Variants in CARD9 observed in about 807,000 individuals in gnomAD.
CARD9 encodes caspase recruitment domain family member 9, also known as caspase recruitment domain-containing protein 9.
A neutral mutation model predicts 66.0 loss-of-function variants in CARD9; 53 were observed. The observed-to-expected ratio is 0.80, with a 90% CI of 0.64 to 1.01. The LOEUF is 1.01. Ranked by LOEUF, CARD9 falls within the 50% of genes least tolerant of loss-of-function variation. The pLI is 0.00. For missense variants in CARD9, 769 were observed against 743.2 expected (o/e 1.03, Z -0.40); for synonymous variants, 387 against 313.8 (o/e 1.23, Z -2.47).
In CARD9 at chr9:136,367,682, G is replaced by T. The variant is rs745746683; in HGVS notation, c.1224C>A (p.Ala408=). The T allele has an allele frequency of 1.9e-6, 3 of 1,600,068 alleles. No homozygotes were observed. Among genetic ancestry groups the T allele is most frequent in the Admixed American group, 3.4e-5 (2 of 59,634 alleles). ...QVFQCEAQLL[A]VEGRLRRQQL... is the part of the protein sequence containing the mutation. ...GCTGCCGCCTGAGCCTGCCCTCCAC[G>T]GCCAGTAGCTGCGCCTCACACTGGA... Residue 408 remains alanine (A), a synonymous_variant, in exon 8 of 13, where the codon GCC becomes GCA. Coordinates refer to ENST00000371732, the MANE Select transcript of CARD9 (RefSeq NM_052813.5).
At position 136,367,767 on chromosome 9, in the gene CARD9, G is replaced by A. The variant is rs532713129; in HGVS notation, c.1139C>T (p.Ala380Val). The part of the protein sequence containing the change: ...QHARGLQEKD[A>V]LRKQVRELGE... ...CAGCTCCCGCACCTGCTTGCGCAGC[G>A]CGTCCTTCTCCTGCAGGCCCCGGGC... The change falls in exon 8 of 13, where the codon GCG becomes GTG. Residue 380 changes from alanine (A) to valine (V), a missense_variant. Coordinates refer to ENST00000371732, the MANE Select transcript of CARD9 (RefSeq NM_052813.5). The A allele has an allele frequency of 2.4e-5, 38 of 1,604,882 alleles. No homozygotes were observed. Among genetic ancestry groups the A allele is most frequent in the East Asian group, 1.6e-4 (7 of 44,848 alleles).
chr9:136,372,133 C>T (rs1833292278), intron 1 of CARD9, 39 bp from the exon 2 acceptor site: 1 of 1,604,748 alleles, frequency 6.2e-7, no homozygotes, highest in Non-Finnish European at 8.5e-7. Context: ...GATGCCGGCT[C>T]CTGCCCCCAC....
intron 9 of CARD9, 56 bp downstream of exon 9, chr9:136,367,160 A>G: frequency 1.3e-6 from 2 of 1,575,088 alleles, no homozygotes; most frequent in Non-Finnish European, 1.7e-6. Flanking sequence ...GTGGCAGCTC[A>G]GCCAGGACCC....
At position 136,367,634 on chromosome 9, in the gene CARD9, C is replaced by G; in HGVS notation, c.1269+3G>C. On this transcript the variant is annotated splice_donor_region_variant and intron_variant, in intron 8 of 12. Coordinates refer to ENST00000371732, the MANE Select transcript of CARD9 (RefSeq NM_052813.5). ...CCCTCCCTGCCGCAGGCCCCAGGCC[C>G]ACCAGGACGAGCGTCTCCAGCTGCT... 6.3e-7 allele frequency: 1 copy of G among 1,579,782 alleles called. No individual in the cohort carries two copies.
chr9:136,367,358 G>T (rs1394264840), intron 8 of CARD9, 101 bp from the exon 9 acceptor site: 5 of 1,358,282 alleles, frequency 3.7e-6, no homozygotes, highest in Non-Finnish European at 5.1e-6. Context: ...GGAGCCCTGG[G>T]CATGCCCTCA....
chr9:136,372,547 A>G (rs912582074), intron 1 of CARD9, among the ~76,000 whole-genome samples: 1 of 152,204 alleles, frequency 6.6e-6, no homozygotes, highest in Admixed American at 6.5e-5. Flanking sequence ...ACTGCCTGGC[A>G]CTATGGCCAG....
In CARD9 at chr9:136,370,588, C is replaced by T. The variant is rs1180318828; in HGVS notation, c.741G>A (p.Leu247=). The stretch of plus-strand genomic sequence containing the variant: ...GGGCCTTCTCCTGCTGCAGCTCCCA[C>T]AGCAGCTCCTGGCTGGGCCGCTGCT... The part of the protein sequence containing the change: ...AMEQRPSQEL[L]WELQQEKALL... The change falls in exon 5 of 13, where the codon CTG becomes CTA. Residue 247 remains leucine, a synonymous_variant. Transcript: ENST00000371732. The T allele has an allele frequency of 1.9e-6, 3 of 1,612,360 alleles. No individual in the cohort carries two copies.
At chr9:136,367,878 C>T in intron 7 of CARD9, 50 bp from the exon 8 acceptor site, 1 of 1,556,318 alleles carries the variant, frequency 6.4e-7, no homozygotes, top group Non-Finnish European at 8.7e-7. Context: ...CAAGCTTGCC[C>T]TGGGCCCTCG....
chr9:136,364,394 C>T lies in CARD9; in HGVS notation c.1519G>A (p.Ala507Thr), dbSNP rs1448397897. 1.3e-6 allele frequency: 2 copies of T among 1,555,402 alleles called. No homozygotes were observed. Among genetic ancestry groups the T allele is most frequent in the East Asian group, 2.4e-5 (1 of 42,034 alleles). ...ESFENYRRKR[A>T]LRKMQKGWRQ... ...CATCCTTTCTGCATCTTCCTGAGGGCGCGCTTCCTGTGAAGACAGGTGTCT... is the reference window on the plus strand; with the variant it reads ...CATCCTTTCTGCATCTTCCTGAGGGTGCGCTTCCTGTGAAGACAGGTGTCT... The change falls in exon 13 of 13, where the codon GCC becomes ACC. Residue 507 changes from alanine (A) to threonine (T), a missense_variant. Transcript: ENST00000371732.
intron 1 of CARD9, among the ~76,000 whole-genome samples, chr9:136,373,200 C>T (rs568220907): frequency 2.6e-5 from 4 of 152,360 alleles, no homozygotes; most frequent in South Asian, 4.1e-4. Flanking sequence ...CATTTCTCAA[C>T]TTCCCGCTGC....
intron 8 of CARD9, 169 bp downstream of exon 8, chr9:136,367,468 A>C (rs1004762750): frequency 4.2e-6 from 4 of 954,994 alleles, no homozygotes; most frequent in Non-Finnish European, 3.1e-6. Flanking sequence ...TCCTGCTGGG[A>C]CCCTGAACTG....
rs1282484756 is a variant in CARD9 at position 136,366,745 on chromosome 9, G to T, written c.1357+55C>A. 3 of 1,588,496 alleles carry T rather than the reference G, an allele frequency of 1.9e-6. No homozygotes were observed. In the Admixed American group the frequency reaches 5.0e-5, roughly 26 times the overall value. Reference sequence around the variant, plus strand: ...GCACGGGCTGCCTGTGCTGAAGATGGGCCTCACTTGGGGAAGCTGGGAGGC... The same window carrying T: ...GCACGGGCTGCCTGTGCTGAAGATGTGCCTCACTTGGGGAAGCTGGGAGGC... On this transcript the variant is annotated intron_variant, in intron 10 of 12. Transcript: ENST00000371732.
Position 136,363,961 on chromosome 9 carries a change from G to T in CARD9, c.*341C>A. The T allele has an allele frequency of 9.7e-7, 1 of 1,028,324 alleles. No individual in the cohort carries two copies. Among genetic ancestry groups the T allele is most frequent in the Non-Finnish European group, 1.5e-6 (1 of 679,990 alleles). 63.7% of individuals were successfully genotyped at this position (1,028,324 alleles called of 1,614,324 possible). On this transcript the variant is annotated 3_prime_UTR_variant, in exon 13 of 13. Coordinates refer to ENST00000371732, the MANE Select transcript of CARD9 (RefSeq NM_052813.5). ...CGCGAGTGTCCGAGCGGGAATGCGG[G>T]TCACCCGTGCTGTTTATTTACGCAG...
At chr9:136,372,783 C>T (rs770972529) in intron 1 of CARD9, among the ~76,000 whole-genome samples, 8 of 152,240 alleles carry the variant, frequency 5.3e-5, no homozygotes, top group Non-Finnish European at 1.0e-4. Context: ...CCCACAGGAG[C>T]GTGTCTCTGT....
At chr9:136,372,243 C>T (rs553486254) in intron 1 of CARD9, 149 bp from the exon 2 acceptor site, 6 of 1,118,544 alleles carry the variant, frequency 5.4e-6, no homozygotes, top group Non-Finnish European at 7.7e-6. Flanking sequence ...GTGCCCAGCT[C>T]CATGTCCCAT....
intron 10 of CARD9, 108 bp downstream of exon 10, chr9:136,366,692 G>A (rs1455381451): frequency 2.6e-6 from 3 of 1,174,660 alleles, no homozygotes; most frequent in African/African-American, 1.5e-5. Flanking sequence ...GTGGAGTGGG[G>A]GTTGTGGGGG....
chr9:136,368,028 T>G, intron 7 of CARD9, 200 bp from the exon 8 acceptor site: 1 of 1,415,838 alleles, frequency 7.1e-7, no homozygotes, highest in Non-Finnish European at 9.2e-7. Flanking sequence ...CAGTTGTCCC[T>G]GCTGCCCTTC....
At chr9:136,368,966 C>T (rs1322454778) in intron 7 of CARD9, among the ~76,000 whole-genome samples, 2 of 152,046 alleles carry the variant, frequency 1.3e-5, no homozygotes, top group Admixed American at 1.3e-4. Context: ...ATTACAGGCG[C>T]CCGGAACCAC....
chr9:136,364,623 GC>G, intron 11 of CARD9, 64 bp from the exon 12 acceptor site: 2 of 1,460,026 alleles, frequency 1.4e-6, no homozygotes, highest in Non-Finnish European at 1.8e-6. Flanking sequence ...CTTCTCACCC[GC>G]CCCCCACTGG....
Sources: allele counts gnomAD v4.1 joint callset (sites outside exome capture counted in the v4.1 genomes callset), GRCh38; gene constraint gnomAD v4.1.1; transcripts MANE v1.5; gene names NCBI Gene and HGNC (gene_info 2026-07-23, HGNC 2026-07-21).